The following CTNNA2 variants were observed in gnomAD, a reference collection of about 807,000 sequenced individuals.
The protein encoded by CTNNA2 is catenin alpha-2.
CTNNA2 carries 42 observed loss-of-function variants against 101.0 expected under a neutral mutation model. The ratio of observed to expected loss-of-function variants is 0.42; its 90% CI spans 0.32 to 0.54. The LOEUF (loss-of-function observed/expected upper bound fraction) is 0.54, where lower values mean the gene tolerates loss of function less well. Ranked by LOEUF, CTNNA2 falls within the 20% of genes least tolerant of loss-of-function variation. The probability of loss-of-function intolerance (pLI) is 0.14; values close to 1 mark genes in which losing one functional copy is unlikely to be tolerated. For missense variants in CTNNA2, 871 were observed against 1,223.1 expected (o/e 0.71, Z 4.29); for synonymous variants, 450 against 456.4 (o/e 0.99, Z 0.18).
intron 4 of CTNNA2, among the ~76,000 whole-genome samples, chr2:79,394,270 A>C (rs879865218): frequency 6.6e-6 from 1 of 152,068 alleles, no homozygotes; most frequent in Non-Finnish European, 1.5e-5. Context: ...CTGTGACCTG[A>C]AGGGGAGCCT....
chr2:79,530,749 G>A (rs1323621292), intron 1 of CTNNA2, among the ~76,000 whole-genome samples: 1 of 152,116 alleles, frequency 6.6e-6, no homozygotes, highest in Non-Finnish European at 1.5e-5. Flanking sequence ...ACAGAAATTA[G>A]ATGTTGTATG....
intron 2 of CTNNA2, among the ~76,000 whole-genome samples, chr2:79,277,290 T>C (rs1675237344): frequency 6.6e-6 from 1 of 152,142 alleles, no homozygotes; most frequent in African/African-American, 2.4e-5. Flanking sequence ...TCTTTTTGAA[T>C]ATACGGCTGC....
At chr2:79,886,876 G>C (rs111610237) in intron 6 of CTNNA2, among the ~76,000 whole-genome samples, 59,951 of 150,944 alleles carry the variant, frequency 0.4, 13,080 homozygotes, top group East Asian at 0.65. Flanking sequence ...ACCCAGGCTG[G>C]AGTGCAGTGG....
intron 2 of CTNNA2, among the ~76,000 whole-genome samples, chr2:79,221,196 T>G (rs576726295): frequency 1.3e-5 from 2 of 152,338 alleles, no homozygotes; most frequent in South Asian, 4.1e-4. Context: ...TTGCCCAGGC[T>G]GGAATGCAGT....
chr2:79,393,611 A>G (rs1411200504), intron 4 of CTNNA2, among the ~76,000 whole-genome samples: 1 of 148,450 alleles, frequency 6.7e-6, no homozygotes, highest in Non-Finnish European at 1.5e-5. Context: ...AGTAGGATAA[A>G]AGAAGATGTT....
chr2:80,193,800 C>A (rs965733782), intron 7 of CTNNA2, among the ~76,000 whole-genome samples: 1 of 152,120 alleles, frequency 6.6e-6, no homozygotes, highest in African/African-American at 2.4e-5. Context: ...TTACTTTTCC[C>A]ATATCCAGCT....
chr2:80,353,511 A>T (rs1273088377), intron 7 of CTNNA2, among the ~76,000 whole-genome samples: 7 of 152,274 alleles, frequency 4.6e-5, no homozygotes, highest in African/African-American at 1.4e-4. Context: ...ATTTAAATTT[A>T]AAAAATGTAT....
intron 3 of CTNNA2, among the ~76,000 whole-genome samples, chr2:79,350,890 G>A (rs904850987): frequency 1.3e-5 from 2 of 152,144 alleles, no homozygotes; most frequent in African/African-American, 4.8e-5. Flanking sequence ...GATGGTTAGC[G>A]ATGTGGGGCA....
chr2:80,418,884 TTATAAG>T (rs1451549916), intron 8 of CTNNA2, among the ~76,000 whole-genome samples: 6 of 152,200 alleles, frequency 3.9e-5, no homozygotes, highest in Admixed American at 3.3e-4. Flanking sequence ...TGAAGAATAA[TTATAAG>T]TATTTCTGGA....
chr2:79,653,051 T>C (rs547507856), intron 2 of CTNNA2, among the ~76,000 whole-genome samples: 11 of 152,222 alleles, frequency 7.2e-5, no homozygotes, highest in African/African-American at 2.2e-4. Context: ...GGGACAGGCA[T>C]AGGATAACAG....
At chr2:79,391,114 G>T (rs1384156347) in intron 4 of CTNNA2, among the ~76,000 whole-genome samples, 1 of 152,122 alleles carries the variant, frequency 6.6e-6, no homozygotes. Flanking sequence ...TTCTGCAAAA[G>T]GTGCACCCAG....
chr2:79,938,995 T>C (rs1254368533), intron 7 of CTNNA2, among the ~76,000 whole-genome samples: 5 of 152,142 alleles, frequency 3.3e-5, no homozygotes, highest in Non-Finnish European at 7.3e-5. Context: ...AAGATCGATA[T>C]TAACAGGTGG....
chr2:79,805,020 A>G (rs979310892), intron 3 of CTNNA2, among the ~76,000 whole-genome samples: 2 of 152,156 alleles, frequency 1.3e-5, no homozygotes, highest in Non-Finnish European at 2.9e-5. Flanking sequence ...TGGGTTGTAT[A>G]TAGGAAGGCT....
intron 9 of CTNNA2, among the ~76,000 whole-genome samples, chr2:80,486,534 T>C (rs779114876): frequency 2.6e-5 from 4 of 152,226 alleles, no homozygotes; most frequent in Non-Finnish European, 4.4e-5. Flanking sequence ...GAAGGCTCAC[T>C]GCGATTTCAT....
intron 9 of CTNNA2, among the ~76,000 whole-genome samples, chr2:80,490,709 A>T (rs1686995768): frequency 6.6e-6 from 1 of 152,144 alleles, no homozygotes; most frequent in Non-Finnish European, 1.5e-5. Context: ...TAAGAAAAAA[A>T]GTCATGATTT....
At chr2:80,512,894 C>CT (rs774122530) in intron 9 of CTNNA2, among the ~76,000 whole-genome samples, 3 of 151,886 alleles carry the variant, frequency 2.0e-5, no homozygotes, top group African/African-American at 4.8e-5. Context: ...AATCTTTAAG[C>CT]TTTTTTGGCA....
chr2:79,961,874 T>C (rs1026262594), intron 7 of CTNNA2, among the ~76,000 whole-genome samples: 2 of 147,362 alleles, frequency 1.4e-5, no homozygotes, highest in Non-Finnish European at 3.0e-5. Context: ...TGTAAATTGA[T>C]ATAGAAGTGA....
intron 7 of CTNNA2, among the ~76,000 whole-genome samples, chr2:80,091,639 A>G (rs1699800402): frequency 6.6e-6 from 1 of 152,090 alleles, no homozygotes; most frequent in Non-Finnish European, 1.5e-5. Context: ...CTGAAGGGGT[A>G]TTATGCCAAT....
At position 80,647,890 on chromosome 2, in the gene CTNNA2, A is replaced by G. The variant is rs777934602; in HGVS notation, c.*18A>G. On this transcript the variant is annotated 3_prime_UTR_variant, in exon 19 of 19. Coordinates refer to ENST00000402739, the MANE Select transcript of CTNNA2 (RefSeq NM_001282597.3). ...CCTTCTAGGACGATAGGTTTTAACA[A>G]GAAAGCTTTTTCTTTCTTTTCTTTC... The G allele has an allele frequency of 5.8e-6, 9 of 1,544,686 alleles. No homozygotes were observed. Among genetic ancestry groups the G allele is most frequent in the Non-Finnish European group, 7.8e-6 (9 of 1,147,706 alleles).
Sources: gnomAD v4.1 joint callset for allele counts (sites outside exome capture counted in the v4.1 genomes callset) on GRCh38, gnomAD v4.1.1 for gene constraint, MANE v1.5 for transcripts, NCBI Gene and HGNC (gene_info 2026-07-23, HGNC 2026-07-21) for gene names.